The following ABLIM3 variants were observed in gnomAD, a reference collection of about 807,000 sequenced individuals.
The protein encoded by ABLIM3 is actin-binding LIM protein 3.
ABLIM3 carries 61 observed loss-of-function variants against 109.5 expected under a neutral mutation model. The observed-to-expected ratio is 0.56, with a 90% confidence interval of 0.45 to 0.69. The LOEUF (loss-of-function observed/expected upper bound fraction) is 0.69, where lower values mean the gene tolerates loss of function less well. Ranked by LOEUF, ABLIM3 falls within the 30% of genes least tolerant of loss-of-function variation. The pLI, the probability that ABLIM3 is intolerant of heterozygous loss-of-function variation, is 0.00. For missense variants in ABLIM3, 796 were observed against 889.5 expected (o/e 0.89, Z 1.34); for synonymous variants, 300 against 324.8 (o/e 0.92, Z 0.82).
intron 5 of ABLIM3, among the ~76,000 whole-genome samples, chr5:149,204,557 G>C (rs1758787005): frequency 6.6e-6 from 1 of 152,236 alleles, no homozygotes; most frequent in Non-Finnish European, 1.5e-5. Context: ...CCTACAACAG[G>C]ACTATCGCTC....
In ABLIM3 at chr5:149,247,618, T is replaced by C. The variant is rs576298340; in HGVS notation, c.1552-164T>C. The C allele has an allele frequency of 4.3e-6, 4 of 930,994 alleles. No homozygotes were observed. The African/African-American group carries it at 6.5e-5, about 15-fold the overall frequency. The allele number at this position is 930,994 out of a possible 1,614,324, so 57.7% of individuals were successfully genotyped here. Reference sequence around the variant, plus strand: ...CAACTTGTGGAAGACAAGATGAGATTGCAACAGGAAACATGGGTGCCACAA... The same window carrying C: ...CAACTTGTGGAAGACAAGATGAGATCGCAACAGGAAACATGGGTGCCACAA... On this transcript the variant is annotated intron_variant, in intron 17 of 23. Transcript: ENST00000309868.
intron 2 of ABLIM3, among the ~76,000 whole-genome samples, chr5:149,158,488 A>G (rs1199913018): frequency 6.6e-6 from 1 of 152,252 alleles, no homozygotes; most frequent in East Asian, 1.9e-4. Flanking sequence ...ATGGTTGTAT[A>G]TATATGTAAA....
intron 10 of ABLIM3, 34 bp from the exon 11 acceptor site, chr5:149,237,414 C>G (rs1006196097): frequency 2.5e-6 from 4 of 1,604,592 alleles, no homozygotes; most frequent in Non-Finnish European, 3.4e-6. Flanking sequence ...TCTTATCTTT[C>G]TATTCCTTTC....
chr5:149,241,012 A>T (rs963314558), intron 14 of ABLIM3, among the ~76,000 whole-genome samples: 2 of 152,226 alleles, frequency 1.3e-5, no homozygotes, highest in Non-Finnish European at 2.9e-5. Context: ...CGGGAAGAAA[A>T]GAGGCAGGGA....
At chr5:149,242,443 G>C in intron 14 of ABLIM3, 48 bp from the exon 15 acceptor site, 2 of 1,571,148 alleles carry the variant, frequency 1.3e-6, no homozygotes, top group Non-Finnish European at 1.8e-6. Context: ...CTTTTCTCCT[G>C]TCTCTCTCTC....
intron 6 of ABLIM3, among the ~76,000 whole-genome samples, chr5:149,209,574 G>A (rs1018971874): frequency 6.6e-6 from 1 of 152,210 alleles, no homozygotes; most frequent in African/African-American, 2.4e-5. Flanking sequence ...CCAAGAGAAG[G>A]ATGGATCCAA....
Position 149,169,852 on chromosome 5 carries a change from C to A in ABLIM3, c.14-13600C>A, listed in dbSNP as rs575978301. Among the ~76,000 whole-genome samples the A allele has an allele frequency of 3.9e-5, 6 of 152,198 alleles. No homozygotes were observed. In the South Asian group the frequency reaches 1.0e-3, roughly 26 times the overall value. ...AGGAGGTGTATCAGCATGAAGTGGTCCTGAAATGTTTGTTTAATTTAAATT... is the reference window on the plus strand; with the variant it reads ...AGGAGGTGTATCAGCATGAAGTGGTACTGAAATGTTTGTTTAATTTAAATT... On this transcript the variant is annotated intron_variant, in intron 2 of 23. Coordinates refer to ENST00000309868, the MANE Select transcript of ABLIM3 (RefSeq NM_014945.5).
At chr5:149,191,212 A>G (rs1478200439) in intron 3 of ABLIM3, among the ~76,000 whole-genome samples, 1 of 152,228 alleles carries the variant, frequency 6.6e-6, no homozygotes, top group African/African-American at 2.4e-5. Flanking sequence ...GGGAGAAAAT[A>G]TACAAATCAA....
rs114273033 is a variant in ABLIM3, at chr5:149,202,793, C to T, written c.448+2365C>T. ...ACAGGAAGAAGAAATGTTTCCTCAC[C>T]GACCTCACTGAGAAGAATCAGCAAC... On this transcript the variant is annotated intron_variant, in intron 5 of 23. Transcript: ENST00000309868. 4.0e-3 allele frequency among the ~76,000 whole-genome samples: 607 copies of T among 152,230 alleles called. 7 individuals are homozygous for T. Among genetic ancestry groups the T allele is most frequent in the South Asian group, 0.025 (119 of 4,814 alleles).
Position 149,237,455 on chromosome 5 carries a change from T to C in ABLIM3, c.896T>C (p.Val299Ala). 1.2e-6 allele frequency: 2 copies of C among 1,614,148 alleles called. No homozygotes were observed. Among genetic ancestry groups the C allele is most frequent in the Non-Finnish European group, 1.7e-6 (2 of 1,180,006 alleles). ...GSPNRVICAK[V>A]DNEILNYKDL... ...CATTTCCCTCTTCCCTAGGCTAAAGTGGATAATGAGATCCTTAATTACAAA... is the reference window on the plus strand; with the variant it reads ...CATTTCCCTCTTCCCTAGGCTAAAGCGGATAATGAGATCCTTAATTACAAA... Residue 299 changes from valine (V) to alanine (A), a missense_variant, in exon 11 of 24, where the codon GTG becomes GCG. Transcript: ENST00000309868.
intron 2 of ABLIM3, among the ~76,000 whole-genome samples, chr5:149,155,026 A>C (rs111241761): frequency 1.3e-5 from 2 of 152,344 alleles, no homozygotes; most frequent in African/African-American, 4.8e-5. Context: ...GGATGGATTC[A>C]TTTAATGAGG....
rs138155650 is a variant in ABLIM3, at chr5:149,186,197, C to T, written c.151+2608C>T. Among the ~76,000 whole-genome samples, 185 of 152,114 alleles carry T rather than the reference C, an allele frequency of 1.2e-3. 5 individuals are homozygous for T. The East Asian group carries it at 0.021, about 17-fold the overall frequency. On this transcript the variant is annotated intron_variant, in intron 3 of 23. Coordinates refer to ENST00000309868, the MANE Select transcript of ABLIM3 (RefSeq NM_014945.5). ...TTGGGAGGCTGAGGTGGGAGGGTCA[C>T]GAGGTCAGGAGTTTGAGACCAGCCT...
intron 8 of ABLIM3, among the ~76,000 whole-genome samples, chr5:149,222,316 A>G (rs1251785506): frequency 6.6e-6 from 1 of 152,194 alleles, no homozygotes; most frequent in Non-Finnish European, 1.5e-5. Context: ...TGAAAGTTTC[A>G]AGAGCATACG....
chr5:149,198,977 T>C lies in ABLIM3; in HGVS notation c.335+575T>C, dbSNP rs140108538. On this transcript the variant is annotated intron_variant, in intron 4 of 23. Coordinates refer to ENST00000309868, the MANE Select transcript of ABLIM3 (RefSeq NM_014945.5). The surrounding 1 kb of genome is among the most constrained non-coding windows in gnomAD (Gnocchi z 4.2). ...GCAAAGGCATTAGCTCAGTGATCAG[T>C]ATGTGAGAGTGTCTGTTTTTATTAT... is the stretch of plus-strand genomic sequence containing the variant. 693 of 450,298 alleles carry C rather than the reference T, an allele frequency of 1.5e-3. 5 individuals carry two copies. The highest frequency in any genetic ancestry group is 0.012 in the African/African-American group (611 of 50,074). 27.9% of individuals were successfully genotyped at this position (450,298 alleles called of 1,614,324 possible).
chr5:149,216,616 A>T (rs1174616626), intron 7 of ABLIM3: 1 of 251,490 alleles, frequency 4.0e-6, no homozygotes, highest in Non-Finnish European at 7.6e-6. Flanking sequence ...AGGGCCTCTC[A>T]CTTGGGGAAA....
intron 2 of ABLIM3, among the ~76,000 whole-genome samples, chr5:149,171,908 GTTTCTATTGTCCACTATTCTATT>G (rs1755471239): frequency 6.6e-6 from 1 of 152,018 alleles, no homozygotes; most frequent in African/African-American, 2.4e-5. Context: ...CACTCCATGA[GTTTCTATTGTCCACTATTCTATT>G]CTATTTCTGC....
chr5:149,225,978 G>GTA (rs1761191839), intron 8 of ABLIM3, among the ~76,000 whole-genome samples: 11 of 25,084 alleles, frequency 4.4e-4, no homozygotes, highest in Non-Finnish European at 7.8e-4. Context: ...GTGTGTGTGT[G>GTA]TGTGTATATA....
intron 6 of ABLIM3, among the ~76,000 whole-genome samples, chr5:149,208,993 G>A (rs987519600): frequency 2.0e-5 from 3 of 152,188 alleles, no homozygotes; most frequent in African/African-American, 7.2e-5. Context: ...GTAGGGGAGT[G>A]TTGGACATCT....
At chr5:149,235,056 T>TTGCTTACACATTGTGCTTACTCA (rs1225617840) in intron 10 of ABLIM3, among the ~76,000 whole-genome samples, 2 of 152,180 alleles carry the variant, frequency 1.3e-5, no homozygotes, top group South Asian at 2.1e-4. Context: ...GCCTTCCAAC[T>TTGCTTACACATTGTGCTTACTCA]AGGGGCTTAC....
Sources: gnomAD v4.1 joint callset for allele counts (sites outside exome capture counted in the v4.1 genomes callset) on GRCh38, gnomAD v4.1.1 for gene constraint, Gnocchi (gnomAD v3.1) non-coding constraint, MANE v1.5 for transcripts, NCBI Gene and HGNC (gene_info 2026-07-23, HGNC 2026-07-21) for gene names.